The following DISC1 variants were observed in gnomAD, a reference collection of about 807,000 sequenced individuals.
DISC1 encodes disrupted in schizophrenia 1 protein.
Under a neutral mutation model 84.5 loss-of-function variants are expected in DISC1, and 57 were observed. That is an observed-to-expected ratio of 0.67 (90% CI 0.55 to 0.84). The LOEUF (loss-of-function observed/expected upper bound fraction) is 0.84, where lower values mean the gene tolerates loss of function less well. Ranked by LOEUF, DISC1 falls within the 40% of genes least tolerant of loss-of-function variation. The probability of loss-of-function intolerance (pLI) is 0.00; values close to 1 mark genes in which losing one functional copy is unlikely to be tolerated. For missense variants in DISC1, 1,000 were observed against 1,057.8 expected (o/e 0.95, Z 0.76); for synonymous variants, 411 against 415.2 (o/e 0.99, Z 0.12).
chr1:231,704,482 C>T (rs1248633961), intron 3 of DISC1, among the ~76,000 whole-genome samples: 2 of 152,092 alleles, frequency 1.3e-5, no homozygotes, highest in African/African-American at 2.4e-5. Flanking sequence ...CTGGGCTGGG[C>T]GCGGTGGCTC....
At chr1:231,710,275 G>A (rs1439301254) in intron 3 of DISC1, among the ~76,000 whole-genome samples, 2 of 152,118 alleles carry the variant, frequency 1.3e-5, no homozygotes, top group Non-Finnish European at 1.5e-5. Context: ...TTGGGAGGCC[G>A]AGGCTGCAGT....
intron 9 of DISC1, among the ~76,000 whole-genome samples, chr1:231,840,944 T>C (rs1334331087): frequency 1.3e-5 from 2 of 152,178 alleles, no homozygotes; most frequent in Non-Finnish European, 2.9e-5. Context: ...TGAAGACATA[T>C]AGCTCATTTA....
At chr1:232,008,430 C>T (rs1667731544) in intron 10 of DISC1, among the ~76,000 whole-genome samples, 1 of 152,174 alleles carries the variant, frequency 6.6e-6, no homozygotes, top group East Asian at 1.9e-4. Context: ...GAGAGTTGAT[C>T]TAGCCTGGAA....
At chr1:232,027,672 T>C (rs1669606202) in intron 12 of DISC1, among the ~76,000 whole-genome samples, 1 of 152,348 alleles carries the variant, frequency 6.6e-6, no homozygotes, top group Non-Finnish European at 1.5e-5. Context: ...TATTCATTCA[T>C]CTTTCTATTC....
At chr1:231,641,311 T>G (rs1215722747) in intron 1 of DISC1, among the ~76,000 whole-genome samples, 1 of 152,126 alleles carries the variant, frequency 6.6e-6, no homozygotes, top group Non-Finnish European at 1.5e-5. Flanking sequence ...GTTCGGAGTT[T>G]CTTCTTTCTA....
chr1:231,994,554 A>G (rs1319936002), intron 10 of DISC1, among the ~76,000 whole-genome samples: 3 of 152,202 alleles, frequency 2.0e-5, no homozygotes, highest in Non-Finnish European at 4.4e-5. Context: ...AAACACTACA[A>G]TGTAGCAATA....
chr1:231,768,994 G>A (rs1045700427), intron 5 of DISC1, among the ~76,000 whole-genome samples: 1 of 152,160 alleles, frequency 6.6e-6, no homozygotes, highest in South Asian at 2.1e-4. Context: ...GCAGCTGGAG[G>A]CCCATGTGGC....
At chr1:231,775,375 C>T (rs1373726409) in intron 6 of DISC1, among the ~76,000 whole-genome samples, 1 of 152,134 alleles carries the variant, frequency 6.6e-6, no homozygotes, top group Non-Finnish European at 1.5e-5. Context: ...GTTGGGAACC[C>T]CCTGGCCAAT....
At chr1:231,643,307 G>T (rs745552615) in intron 1 of DISC1, among the ~76,000 whole-genome samples, 5 of 152,070 alleles carry the variant, frequency 3.3e-5, no homozygotes, top group Non-Finnish European at 7.3e-5. Flanking sequence ...TGTCCCTTCA[G>T]ATCTCACTGT....
At chr1:232,008,171 A>G (rs1013133118) in intron 10 of DISC1, among the ~76,000 whole-genome samples, 3 of 152,226 alleles carry the variant, frequency 2.0e-5, no homozygotes, top group Non-Finnish European at 4.4e-5. Flanking sequence ...GAGTCTAGCA[A>G]TAGAGTGGAG....
At chr1:231,700,633 C>T (rs1006840537) in intron 2 of DISC1, among the ~76,000 whole-genome samples, 7 of 152,162 alleles carry the variant, frequency 4.6e-5, no homozygotes, top group African/African-American at 1.7e-4. Flanking sequence ...CCCCGTTGTT[C>T]AAGGGCCGAC....
At chr1:231,997,257 A>C (rs74146534) in intron 10 of DISC1, among the ~76,000 whole-genome samples, 7,294 of 152,274 alleles carry the variant, frequency 0.048, 575 homozygotes, top group African/African-American at 0.16. Flanking sequence ...ACAGTATTCC[A>C]GTCATTATAC....
intron 10 of DISC1, among the ~76,000 whole-genome samples, chr1:231,986,398 A>G (rs915885933): frequency 3.7e-5 from 5 of 136,540 alleles, no homozygotes; most frequent in Admixed American, 1.5e-4. Context: ...TCTTATCTCT[A>G]CTTACGTTCC....
intron 9 of DISC1, among the ~76,000 whole-genome samples, chr1:231,831,667 A>C (rs373344065): frequency 1.1e-5 from 1 of 89,268 alleles, no homozygotes; most frequent in Non-Finnish European, 2.5e-5. Flanking sequence ...CAGAGTTTTT[A>C]TTAGAGGCAT....
At chr1:231,778,261 C>A (rs908049157) in intron 6 of DISC1, among the ~76,000 whole-genome samples, 1 of 152,192 alleles carries the variant, frequency 6.6e-6, no homozygotes, top group Admixed American at 6.5e-5. Context: ...AGCAAGGCCC[C>A]GCCCCAGGGC....
Position 232,036,505 on chromosome 1 carries a change from G to A in DISC1, c.2426-187G>A, listed in dbSNP as rs191517644. ...ATACCTCAGGCATTGTAGAAATTGC[G>A]GTCATTCTAAAATATAAAAGTGTAA... On this transcript the variant is annotated intron_variant, in intron 12 of 12. Transcript: ENST00000439617. Among the ~76,000 whole-genome samples the A allele has an allele frequency of 1.2e-3, 178 of 152,092 alleles. 1 individual carries two copies. The highest frequency in any genetic ancestry group is 3.7e-3 in the African/African-American group (152 of 41,496).
At chr1:231,925,810 A>G (rs978499921) in intron 9 of DISC1, 1 of 152,278 alleles carries the variant, frequency 6.6e-6, no homozygotes, top group Non-Finnish European at 1.5e-5. Context: ...AGGCATCTCA[A>G]GCCAAGGCAT....
At chr1:231,915,173 CCTGAGTTTTTT>C (rs1437591296) in intron 9 of DISC1, among the ~76,000 whole-genome samples, 1 of 152,116 alleles carries the variant, frequency 6.6e-6, no homozygotes, top group Non-Finnish European at 1.5e-5. Flanking sequence ...TTAAAATATA[CCTGAGTTTTTT>C]TTTCTCTCAT....
rs1234944351 is a variant in DISC1, at chr1:231,908,019, GTTGT to G, written c.1982-50805_1982-50802del. ...TATCCTTTGCTCACTTTTTGATGGGGTTGTTTGACTTTTTCTTGTAAATTTGTTT... is the reference window on the plus strand; with the variant it reads ...TATCCTTTGCTCACTTTTTGATGGGGTTGACTTTTTCTTGTAAATTTGTTT... On this transcript the variant is annotated intron_variant, in intron 9 of 12. Coordinates refer to ENST00000439617, the MANE Select transcript of DISC1 (RefSeq NM_018662.3). Among the ~76,000 whole-genome samples the G allele has an allele frequency of 2.0e-5, 3 of 152,256 alleles. No individual in the cohort carries two copies. In the South Asian group the frequency reaches 6.2e-4, roughly 32 times the overall value.
Sources: allele counts gnomAD v4.1 joint callset (sites outside exome capture counted in the v4.1 genomes callset), GRCh38; gene constraint gnomAD v4.1.1; transcripts MANE v1.5; gene names NCBI Gene and HGNC (gene_info 2026-07-23, HGNC 2026-07-21).